The following GRID2 variants were observed in gnomAD, a reference collection of about 807,000 sequenced individuals.
GRID2 encodes glutamate ionotropic receptor delta type subunit 2.
GRID2 carries 33 observed loss-of-function variants against 114.8 expected under a neutral mutation model. That is an observed-to-expected ratio of 0.29 (90% CI 0.22 to 0.38). The LOEUF (loss-of-function observed/expected upper bound fraction) is 0.38, where lower values mean the gene tolerates loss of function less well. Ranked by LOEUF, GRID2 falls within the 10% of genes least tolerant of loss-of-function variation. The pLI is 1.00. For synonymous variants in GRID2, 505 were observed against 449.9 expected, an observed-to-expected ratio of 1.12 and a Z score of -1.55; for missense variants, 1,184 against 1,257.7, an observed-to-expected ratio of 0.94 and a Z score of 0.89.
chr4:92,836,509 TA>T (rs1385604870), intron 2 of GRID2, among the ~76,000 whole-genome samples: 1 of 152,074 alleles, frequency 6.6e-6, no homozygotes, highest in Non-Finnish European at 1.5e-5. Flanking sequence ...AGCAGCCGCT[TA>T]ATACATATTT....
At chr4:92,341,332 G>C (rs1203925409) in intron 1 of GRID2, among the ~76,000 whole-genome samples, 1 of 152,036 alleles carries the variant, frequency 6.6e-6, no homozygotes, top group African/African-American at 2.4e-5. Context: ...ACCTAATGTG[G>C]ATCACTTGCT....
At chr4:92,939,533 G>A (rs1697050435) in intron 2 of GRID2, among the ~76,000 whole-genome samples, 1 of 147,226 alleles carries the variant, frequency 6.8e-6, no homozygotes. Context: ...CACTCTGATA[G>A]TAGTTTCTGT....
At chr4:93,483,031 T>G (rs1352594184) in intron 11 of GRID2, among the ~76,000 whole-genome samples, 2 of 151,974 alleles carry the variant, frequency 1.3e-5, no homozygotes, top group African/African-American at 2.4e-5. Context: ...AAGCAATACT[T>G]ATATAAAGGT....
chr4:93,770,411 C>T lies in GRID2; in HGVS notation c.2601+961C>T, dbSNP rs187328710. Among the ~76,000 whole-genome samples the T allele has an allele frequency of 9.2e-4, 140 of 152,302 alleles. No homozygotes were observed. In the South Asian group the frequency reaches 0.021, roughly 23 times the overall value. ...GATCTACTTTAATGCACAATAAATACGGCTTCTCATTTGCATATGAATTGT... is the reference window on the plus strand; with the variant it reads ...GATCTACTTTAATGCACAATAAATATGGCTTCTCATTTGCATATGAATTGT... On this transcript the variant is annotated intron_variant, in intron 15 of 15. Coordinates refer to ENST00000282020, the MANE Select transcript of GRID2 (RefSeq NM_001510.4).
At chr4:92,621,004 A>G (rs1730247983) in intron 2 of GRID2, among the ~76,000 whole-genome samples, 1 of 151,526 alleles carries the variant, frequency 6.6e-6, no homozygotes, top group Non-Finnish European at 1.5e-5. Context: ...CCAAAAAAAA[A>G]AAAAAAAGAA....
intron 6 of GRID2, among the ~76,000 whole-genome samples, chr4:93,219,024 C>T (rs1383312189): frequency 6.6e-6 from 1 of 152,020 alleles, no homozygotes; most frequent in South Asian, 2.1e-4. Context: ...ATTATGGGAA[C>T]TACAATTCAA....
intron 2 of GRID2, among the ~76,000 whole-genome samples, chr4:93,069,585 T>A (rs1188576610): frequency 6.6e-6 from 1 of 151,960 alleles, no homozygotes; most frequent in Non-Finnish European, 1.5e-5. Context: ...AGAAACAGAA[T>A]TTTCTCAGGT....
At chr4:93,416,915 A>G (rs1011280717) in intron 9 of GRID2, among the ~76,000 whole-genome samples, 3 of 152,068 alleles carry the variant, frequency 2.0e-5, no homozygotes, top group Admixed American at 6.6e-5. Context: ...TAAACCACAG[A>G]CATTCTCTGA....
intron 2 of GRID2, among the ~76,000 whole-genome samples, chr4:93,072,928 A>G (rs1433164029): frequency 1.3e-5 from 2 of 152,228 alleles, no homozygotes; most frequent in Admixed American, 6.5e-5. Context: ...GCATTAAATT[A>G]TAACTGCATA....
chr4:93,229,659 C>T (rs878947205), intron 7 of GRID2, among the ~76,000 whole-genome samples: 1 of 152,072 alleles, frequency 6.6e-6, no homozygotes, highest in Admixed American at 6.6e-5. Context: ...ATTAAAAATC[C>T]GTGTGCTGCT....
At chr4:92,493,600 G>A (rs1723250640) in intron 1 of GRID2, among the ~76,000 whole-genome samples, 1 of 152,140 alleles carries the variant, frequency 6.6e-6, no homozygotes, top group African/African-American at 2.4e-5. Flanking sequence ...CCCACACACT[G>A]CTGCTAATCA....
chr4:92,657,282 T>C lies in GRID2; in HGVS notation c.244+66996T>C, dbSNP rs189212622. 8.9e-4 allele frequency among the ~76,000 whole-genome samples: 135 copies of C among 151,888 alleles called. 2 individuals carry two copies. Among genetic ancestry groups the C allele is most frequent in the East Asian group, 5.8e-4 (3 of 5,162 alleles). On this transcript the variant is annotated intron_variant, in intron 2 of 15. Coordinates refer to ENST00000282020, the MANE Select transcript of GRID2 (RefSeq NM_001510.4). ...CTTATTGTACTTATTTGTGACTTCA[T>C]AGTGTCTGAACTGTCACTTTACTTT...
chr4:93,710,016 TG>T (rs1410639679), intron 14 of GRID2, among the ~76,000 whole-genome samples: 7 of 152,218 alleles, frequency 4.6e-5, no homozygotes, highest in Non-Finnish European at 1.0e-4. Context: ...ACAGCCATTT[TG>T]AATTCTCTGT....
chr4:92,884,980 G>A, intron 2 of GRID2: 1 of 300,452 alleles, frequency 3.3e-6, no homozygotes, highest in East Asian at 8.9e-5. Context: ...TTTAAATAAA[G>A]GTGTATAGGA....
intron 2 of GRID2, among the ~76,000 whole-genome samples, chr4:92,938,478 C>G (rs1339438561): frequency 1.4e-5 from 2 of 146,660 alleles, no homozygotes. Flanking sequence ...ATTTCTAAAT[C>G]TCTTTAAATT....
At chr4:93,285,652 A>G (rs1415416878) in intron 8 of GRID2, among the ~76,000 whole-genome samples, 1 of 152,002 alleles carries the variant, frequency 6.6e-6, no homozygotes, top group Non-Finnish European at 1.5e-5. Flanking sequence ...TAAACTCTCA[A>G]TTTGTCTAAA....
chr4:93,329,845 A>G (rs529745737), intron 8 of GRID2, among the ~76,000 whole-genome samples: 1 of 152,130 alleles, frequency 6.6e-6, no homozygotes, highest in African/African-American at 2.4e-5. Flanking sequence ...AGCTGTGATA[A>G]TCTTTACAAA....
At chr4:93,452,995 C>A (rs373470390) in intron 10 of GRID2, among the ~76,000 whole-genome samples, 1 of 150,200 alleles carries the variant, frequency 6.7e-6, no homozygotes, top group Non-Finnish European at 1.5e-5. Flanking sequence ...CCCAGTAACT[C>A]GTCATTTAAC....
chr4:92,827,134 A>G (rs759081528), intron 2 of GRID2, among the ~76,000 whole-genome samples: 8 of 152,032 alleles, frequency 5.3e-5, no homozygotes, highest in Non-Finnish European at 1.2e-4. Flanking sequence ...AAATCAGATA[A>G]AAGAATCCAC....
Sources: gnomAD v4.1 joint callset for allele counts (sites outside exome capture counted in the v4.1 genomes callset) on GRCh38, gnomAD v4.1.1 for gene constraint, MANE v1.5 for transcripts, NCBI Gene and HGNC (gene_info 2026-07-23, HGNC 2026-07-21) for gene names.